Variants in ZNF532 observed in about 807,000 individuals in gnomAD.
ZNF532 encodes the protein zinc finger protein 532.
ZNF532 carries 22 observed loss-of-function variants against 89.3 expected under a neutral mutation model. The observed-to-expected ratio is 0.25, with a 90% CI of 0.18 to 0.35. The LOEUF (loss-of-function observed/expected upper bound fraction) is 0.35, where lower values mean the gene tolerates loss of function less well. Ranked by LOEUF, ZNF532 falls within the 10% of genes least tolerant of loss-of-function variation. ZNF532 has a pLI of 1.00. For missense variants in ZNF532, 1,132 were observed against 1,643.4 expected (o/e 0.69, Z 5.38); for synonymous variants, 606 against 649.6 (o/e 0.93, Z 1.02).
chr18:58,934,390 T>A, intron 3 of ZNF532, 43 bp from the exon 4 acceptor site: 1 of 1,576,110 alleles, frequency 6.3e-7, no homozygotes. Context: ...TATTAGAAAG[T>A]ACTTAGTAGG....
intron 2 of ZNF532, among the ~76,000 whole-genome samples, chr18:58,878,059 A>G (rs1441061059): frequency 6.6e-6 from 1 of 152,182 alleles, no homozygotes; most frequent in Non-Finnish European, 1.5e-5. Context: ...GTTCGAGACC[A>G]GTCTGGCCAA....
intron 2 of ZNF532, among the ~76,000 whole-genome samples, chr18:58,902,536 A>C (rs2059669990): frequency 6.8e-6 from 1 of 146,610 alleles, no homozygotes; most frequent in South Asian, 2.2e-4. Context: ...CTTGTTGCCC[A>C]GGCTGGAGTG....
At chr18:58,867,072 C>G (rs1322539673) in intron 2 of ZNF532, among the ~76,000 whole-genome samples, 2 of 152,266 alleles carry the variant, frequency 1.3e-5, no homozygotes, top group East Asian at 3.8e-4. Context: ...CTGATGTCAA[C>G]TAAAACTCAG....
intron 3 of ZNF532, among the ~76,000 whole-genome samples, chr18:58,930,647 AAGT>A (rs1402597678): frequency 1.3e-5 from 2 of 151,202 alleles, no homozygotes; most frequent in African/African-American, 4.9e-5. Context: ...AAAAAAAAAA[AAGT>A]ACAGTCATCT....
At chr18:58,918,216 C>A (rs770009867) in intron 2 of ZNF532, 55 bp from the exon 3 acceptor site, 40 of 1,488,910 alleles carry the variant, frequency 2.7e-5, no homozygotes, top group Non-Finnish European at 3.4e-5. Flanking sequence ...GGGGTTTTAT[C>A]TCATCGTGAG....
chr18:58,942,341 C>CCCTTCCTT lies in ZNF532; in HGVS notation c.2705+2723_2705+2724insTCCTTCCT, dbSNP rs1397822917. Among the ~76,000 whole-genome samples the CCCTTCCTT allele has an allele frequency of 2.7e-4, 19 of 71,662 alleles. 2 individuals are homozygous for CCCTTCCTT. The highest frequency in any genetic ancestry group is 4.0e-4 in the Non-Finnish European group (16 of 40,146). 47.0% of individuals were successfully genotyped at this position (71,662 alleles called of 152,430 possible). A position where few individuals can be genotyped will look rare whatever the true frequency, so the allele number is the denominator to read the frequency against. ...CTGGCCCCTCCCTCCCTCCCTCCCT[C>CCCTTCCTT]CCTCCCTCCCTTCCTTCCTTCCTTC... On this transcript the variant is annotated intron_variant, in intron 5 of 9. Transcript: ENST00000591808.
chr18:58,931,120 A>G (rs1391497443), intron 3 of ZNF532, among the ~76,000 whole-genome samples: 1 of 152,190 alleles, frequency 6.6e-6, no homozygotes, highest in Non-Finnish European at 1.5e-5. Flanking sequence ...TACCGAAAAC[A>G]TTTATCCATT....
At chr18:58,932,767 A>G (rs1603218208) in intron 3 of ZNF532, among the ~76,000 whole-genome samples, 1 of 152,286 alleles carries the variant, frequency 6.6e-6, no homozygotes, top group East Asian at 1.9e-4. Context: ...AATGTATTTA[A>G]AATACCTAGC....
chr18:58,899,167 T>G (rs1443164515), intron 2 of ZNF532, among the ~76,000 whole-genome samples: 3 of 152,232 alleles, frequency 2.0e-5, no homozygotes, highest in Non-Finnish European at 4.4e-5. Flanking sequence ...TTTGGAGCTC[T>G]GTAATTTCAC....
intron 3 of ZNF532, 102 bp downstream of exon 3, chr18:58,920,735 C>CGTGTGTGT (rs5825306): frequency 5.0e-5 from 21 of 421,428 alleles, no homozygotes; most frequent in Admixed American, 1.1e-4. Flanking sequence ...GTGAAATGGA[C>CGTGTGTGT]GTGTGTGTGT....
At chr18:58,939,246 C>CAAAAAAAAAAAAAAAAAAAAAAAA (rs71336307) in intron 4 of ZNF532, among the ~76,000 whole-genome samples, 199 bp from the exon 5 acceptor site, 4 of 34,508 alleles carry the variant, frequency 1.2e-4, no homozygotes, top group South Asian at 1.1e-3. Context: ...GACGTTGTCT[C>CAAAAAAAAAAAAAAAAAAAAAAAA]AAAAAAAAAA....
At chr18:58,881,134 C>G (rs2144952321) in intron 2 of ZNF532, among the ~76,000 whole-genome samples, 1 of 151,002 alleles carries the variant, frequency 6.6e-6, no homozygotes, top group East Asian at 1.9e-4. Flanking sequence ...CAGAGTCTCG[C>G]TCTGTCGCCC....
At chr18:58,896,747 C>T (rs908610779) in intron 2 of ZNF532, 8 of 152,178 alleles carry the variant, frequency 5.3e-5, no homozygotes, top group African/African-American at 1.9e-4. Flanking sequence ...AACAACACCA[C>T]CACATGACGG....
At chr18:58,884,979 GT>G (rs34689408) in intron 2 of ZNF532, among the ~76,000 whole-genome samples, 31,115 of 137,920 alleles carry the variant, frequency 0.23, 3,256 homozygotes, top group Middle Eastern at 0.39. Context: ...CAGTACAAGG[GT>G]TTTTTTTTTT....
At chr18:58,930,634 A>G (rs1346974271) in intron 3 of ZNF532, among the ~76,000 whole-genome samples, 1 of 151,412 alleles carries the variant, frequency 6.6e-6, no homozygotes, top group Non-Finnish European at 1.5e-5. Flanking sequence ...TCTCAAAAAA[A>G]AAAAAAAAAA....
rs112795569 is a variant in ZNF532, at chr18:58,871,310, C to T, written c.-18+5731C>T. Among the ~76,000 whole-genome samples the T allele has an allele frequency of 7.8e-3, 1,194 of 152,298 alleles. 16 individuals carry two copies. The highest frequency in any genetic ancestry group is 0.027 in the African/African-American group (1,122 of 41,548). On this transcript the variant is annotated intron_variant, in intron 2 of 9. Coordinates refer to ENST00000591808, the MANE Select transcript of ZNF532 (RefSeq NM_001375912.1). ...GACTCAAACTAGCTGGACTTGAACT[C>T]CTTGGCTCAAGGGATCCTCCTGCCT...
intron 8 of ZNF532, 78 bp from the exon 9 acceptor site, chr18:58,981,392 G>A: frequency 1.3e-6 from 2 of 1,538,352 alleles, no homozygotes; most frequent in Non-Finnish European, 1.8e-6. Flanking sequence ...CGGCTAAGGA[G>A]GACCTTCGAC....
chr18:58,972,161 C>T (rs994859374), intron 7 of ZNF532, among the ~76,000 whole-genome samples: 1 of 152,220 alleles, frequency 6.6e-6, no homozygotes, highest in African/African-American at 2.4e-5. Flanking sequence ...TGAGATTGCA[C>T]TACTGCACTC....
rs185582607 is a variant in ZNF532, at chr18:58,882,512, G to A, written c.-18+16933G>A. ...GCTGGAGTGCAGTGATCTGATCTCC[G>A]CTCATGGCAGCCTTGAACCTGTAGG... On this transcript the variant is annotated intron_variant, in intron 2 of 9. Transcript: ENST00000591808. 3.9e-5 allele frequency among the ~76,000 whole-genome samples: 6 copies of A among 152,328 alleles called. No homozygotes were observed. The South Asian group carries it at 8.3e-4, about 21-fold the overall frequency.
Sources: allele counts gnomAD v4.1 joint callset (sites outside exome capture counted in the v4.1 genomes callset), GRCh38; gene constraint gnomAD v4.1.1; transcripts MANE v1.5; gene names NCBI Gene and HGNC (gene_info 2026-07-23, HGNC 2026-07-21).